Variants in RANBP2 observed in about 807,000 individuals in gnomAD.
RANBP2 encodes the protein E3 SUMO-protein ligase RanBP2.
A neutral mutation model predicts 303.6 loss-of-function variants in RANBP2; 57 were observed. The ratio of observed to expected loss-of-function variants is 0.19; its 90% CI spans 0.15 to 0.23. The LOEUF (loss-of-function observed/expected upper bound fraction) is 0.23, where lower values mean the gene tolerates loss of function less well. Ranked by LOEUF, RANBP2 falls within the 10% of genes least tolerant of loss-of-function variation. The pLI is 1.00. For synonymous variants in RANBP2, 1,167 were observed against 1,301.5 expected (o/e 0.90, Z 2.23); for missense variants, 3,138 against 3,780.8 (o/e 0.83, Z 4.46).
At chr2:109,005,212 G>A in the RANBP2 span, among the ~76,000 whole-genome samples, 3 of 152,194 alleles carry the variant, frequency 2.0e-5, no homozygotes, top group African/African-American at 7.2e-5. Context: ...GAGGAATCTG[G>A]TTCCTGAAGC....
chr2:108,772,652 G>C (rs1304121728), intron 22 of RANBP2, 71 bp downstream of exon 22: 13 of 1,438,836 alleles, frequency 9.0e-6, no homozygotes, highest in Middle Eastern at 2.0e-4. Flanking sequence ...AACCTAGTCT[G>C]ATAATTTCTA....
the RANBP2 span, among the ~76,000 whole-genome samples, chr2:109,307,366 C>A: frequency 1.3e-5 from 2 of 151,846 alleles, no homozygotes; most frequent in Non-Finnish European, 2.9e-5. Context: ...AATTTGTGGG[C>A]AAGCAGAACG....
the RANBP2 span, among the ~76,000 whole-genome samples, chr2:109,318,086 T>C: frequency 1.4e-5 from 2 of 140,036 alleles, no homozygotes; most frequent in Admixed American, 7.1e-5. Flanking sequence ...ATGAGCACGC[T>C]GAATTTCAGT....
the RANBP2 span, among the ~76,000 whole-genome samples, chr2:109,679,572 A>G: frequency 6.6e-6 from 1 of 152,180 alleles, no homozygotes; most frequent in African/African-American, 2.4e-5. Context: ...GCATGACCCT[A>G]AGGCTCTCCT....
chr2:108,734,973 C>T (rs1695456552), intron 4 of RANBP2, among the ~76,000 whole-genome samples: 1 of 152,026 alleles, frequency 6.6e-6, no homozygotes, highest in African/African-American at 2.4e-5. Context: ...AAGAGCATCG[C>T]AAATGAGAAG....
the RANBP2 span, among the ~76,000 whole-genome samples, chr2:109,603,889 C>T: frequency 3.3e-5 from 5 of 151,872 alleles, no homozygotes; most frequent in Non-Finnish European, 5.9e-5. Context: ...AAGCCGGGCA[C>T]GGTGGCTCAC....
At chr2:109,392,157 A>C in the RANBP2 span, among the ~76,000 whole-genome samples, 1 of 152,192 alleles carries the variant, frequency 6.6e-6, no homozygotes, top group Non-Finnish European at 1.5e-5. Flanking sequence ...TGAATCTCTA[A>C]AATGTACCCA....
intron 1 of RANBP2, among the ~76,000 whole-genome samples, chr2:108,720,515 A>G (rs970351270): frequency 2.0e-5 from 3 of 152,218 alleles, no homozygotes; most frequent in African/African-American, 4.8e-5. Flanking sequence ...CTAAAGAGTG[A>G]CGGAAGAAGC....
At chr2:109,019,007 G>A in the RANBP2 span, among the ~76,000 whole-genome samples, 10 of 152,340 alleles carry the variant, frequency 6.6e-5, no homozygotes, top group South Asian at 4.1e-4. Context: ...CATTTAGGAC[G>A]TGTGATTGTA....
the RANBP2 span, among the ~76,000 whole-genome samples, chr2:109,147,042 T>C: frequency 6.6e-6 from 1 of 152,018 alleles, no homozygotes; most frequent in African/African-American, 2.4e-5. Flanking sequence ...AAGTAGAGGC[T>C]CTGCCCTCCC....
the RANBP2 span, among the ~76,000 whole-genome samples, chr2:109,498,652 A>G: frequency 2.2e-4 from 33 of 152,206 alleles, no homozygotes; most frequent in East Asian, 6.2e-3. Flanking sequence ...CATTCCCCCT[A>G]AGTAGTATCA....
the RANBP2 span, among the ~76,000 whole-genome samples, chr2:109,566,380 T>C: frequency 2.7e-4 from 41 of 152,114 alleles, no homozygotes; most frequent in South Asian, 8.3e-4. Context: ...CTTGGGATTA[T>C]AGGTGTGAGC....
chr2:108,920,547 G>C, the RANBP2 span, among the ~76,000 whole-genome samples: 2 of 152,112 alleles, frequency 1.3e-5, no homozygotes, highest in African/African-American at 4.8e-5. Context: ...GGGCTACAGG[G>C]CTCCACAGTA....
the RANBP2 span, among the ~76,000 whole-genome samples, chr2:109,697,858 G>GTTTTTT: frequency 1.6e-5 from 2 of 127,652 alleles, no homozygotes; most frequent in African/African-American, 6.2e-5. Flanking sequence ...TTAGTCTAAA[G>GTTTTTT]TTTTTTTTTT....
chr2:108,918,811 G>A, the RANBP2 span, among the ~76,000 whole-genome samples: 1 of 152,300 alleles, frequency 6.6e-6, no homozygotes, highest in South Asian at 2.1e-4. Context: ...TGCATTAGAG[G>A]CTGGCTGGGA....
the RANBP2 span, among the ~76,000 whole-genome samples, chr2:109,131,340 T>C: frequency 6.6e-6 from 1 of 152,230 alleles, no homozygotes; most frequent in Non-Finnish European, 1.5e-5. Flanking sequence ...GGAATTTTTT[T>C]CTTTGGTTTT....
At chr2:109,154,866 A>G in the RANBP2 span, among the ~76,000 whole-genome samples, 1 of 152,212 alleles carries the variant, frequency 6.6e-6, no homozygotes, top group African/African-American at 2.4e-5. Context: ...CCCTAAGGAA[A>G]TTCTTCGGGA....
the RANBP2 span, among the ~76,000 whole-genome samples, chr2:108,979,592 C>T: frequency 1.8e-3 from 279 of 152,084 alleles, no homozygotes; most frequent in Non-Finnish European, 2.6e-3. Flanking sequence ...ACTTGGAGAC[C>T]CTGAGCCATG....
chr2:108,797,494 G>A, the RANBP2 span, among the ~76,000 whole-genome samples: 5 of 152,172 alleles, frequency 3.3e-5, no homozygotes, highest in African/African-American at 1.2e-4. Flanking sequence ...ATTCTGAAAT[G>A]AGAGACCTCA....
Sources: gnomAD v4.1 joint callset for allele counts (sites outside exome capture counted in the v4.1 genomes callset) on GRCh38, gnomAD v4.1.1 for gene constraint, MANE v1.5 for transcripts, NCBI Gene and HGNC (gene_info 2026-07-23, HGNC 2026-07-21) for gene names.